Variants in TNFRSF10A observed in about 807,000 individuals in gnomAD.
The protein encoded by TNFRSF10A is tumor necrosis factor receptor superfamily member 10A.
In TNFRSF10A, 44 loss-of-function variants were observed where a neutral mutation model predicts 42.8. The observed-to-expected ratio is 1.03, with a 90% CI of 0.81 to 1.32. TNFRSF10A has a LOEUF of 1.32. Ranked by LOEUF, TNFRSF10A falls within the 40% of genes most tolerant of loss-of-function variation. The pLI is 0.00. For missense variants in TNFRSF10A, 680 were observed against 602.0 expected, an observed-to-expected ratio of 1.13 and a Z score of -1.36; for synonymous variants, 259 against 234.2, an observed-to-expected ratio of 1.11 and a Z score of -0.97.
At chr8:23,200,436 TC>T in intron 6 of TNFRSF10A, 68 bp downstream of exon 6, 2 of 1,571,990 alleles carry the variant, frequency 1.3e-6, no homozygotes, top group Non-Finnish European at 1.8e-6. Context: ...GGTGAGCGTT[TC>T]TGTCTGTGGG....
At chr8:23,205,153 C>T (rs562816435) in intron 2 of TNFRSF10A, among the ~76,000 whole-genome samples, 104 of 151,966 alleles carry the variant, frequency 6.8e-4, no homozygotes, top group Non-Finnish European at 1.3e-3. Context: ...TTAAATAGAT[C>T]GATATATTGG....
At chr8:23,196,493 G>A (rs995044082) in intron 9 of TNFRSF10A, among the ~76,000 whole-genome samples, 7 of 152,118 alleles carry the variant, frequency 4.6e-5, no homozygotes, top group African/African-American at 1.7e-4. Flanking sequence ...ACCGTGCCCG[G>A]CCCACATTGT....
rs560069222 is a variant in TNFRSF10A at position 23,202,593 on chromosome 8, C to T, written c.517+55G>A. On this transcript the variant is annotated intron_variant, in intron 3 of 9. Coordinates refer to ENST00000221132, the MANE Select transcript of TNFRSF10A (RefSeq NM_003844.4). Reference sequence around the variant, plus strand: ...TCCCTGACTCACATTGGCTACCACTCCCACCTCACTGCCCCTCACTCCACC... The same window carrying T: ...TCCCTGACTCACATTGGCTACCACTTCCACCTCACTGCCCCTCACTCCACC... 13 of 1,450,294 alleles carry T rather than the reference C, an allele frequency of 9.0e-6. No individual in the cohort carries two copies. In the South Asian group the frequency reaches 1.3e-4, roughly 14 times the overall value. 89.8% of individuals were successfully genotyped at this position (1,450,294 alleles called of 1,614,324 possible).
chr8:23,206,282 C>A (rs1488347696), intron 2 of TNFRSF10A, among the ~76,000 whole-genome samples: 3 of 152,108 alleles, frequency 2.0e-5, no homozygotes, highest in African/African-American at 7.2e-5. Context: ...CCTAAATGTA[C>A]AGTGTTTATA....
At chr8:23,201,721 G>T in intron 4 of TNFRSF10A, 87 bp downstream of exon 4, 1 of 1,225,958 alleles carries the variant, frequency 8.2e-7, no homozygotes, top group Non-Finnish European at 1.2e-6. Flanking sequence ...TGATAGATAC[G>T]GGTACAAGGA....
chr8:23,224,663 G>A (rs1053361956), intron 1 of TNFRSF10A, 93 bp downstream of exon 1: 4 of 1,440,764 alleles, frequency 2.8e-6, no homozygotes, highest in African/African-American at 2.9e-5. Context: ...CAAGTGACCC[G>A]GGCCAGGCAC....
chr8:23,213,018 A>G (rs895829913), intron 1 of TNFRSF10A, among the ~76,000 whole-genome samples: 1 of 152,126 alleles, frequency 6.6e-6, no homozygotes, highest in African/African-American at 2.4e-5. Flanking sequence ...ATTGAAGCCA[A>G]CTGGTCCTGG....
chr8:23,207,899 C>CG (rs1378285722), intron 2 of TNFRSF10A, among the ~76,000 whole-genome samples: 1 of 106,144 alleles, frequency 9.4e-6, no homozygotes, highest in African/African-American at 3.1e-5. Context: ...ATCAGCAGCA[C>CG]GAAAAAAAAA....
chr8:23,224,076 C>T (rs1211355049), intron 1 of TNFRSF10A, among the ~76,000 whole-genome samples: 1 of 152,062 alleles, frequency 6.6e-6, no homozygotes. Context: ...CCTGTAATCC[C>T]AGCACTTTGG....
rs1800883126 is a variant in TNFRSF10A, at chr8:23,199,902, G to T, written c.815C>A (p.Pro272His). The T allele has an allele frequency of 6.2e-7, 1 of 1,614,014 alleles. No homozygotes were observed. Among genetic ancestry groups the T allele is most frequent in the African/African-American group, 1.3e-5 (1 of 74,918 alleles). ...CCIGSGCGGD[P>H]KCMDRVCFWR... is the part of the protein sequence containing the mutation. ...TCAACTCACCCTGTCCATGCACTTG[G>T]GGTCCCCTCCACAACCTAGAAGAGA... Residue 272 changes from proline to histidine, a missense_variant, in exon 7 of 10, where the codon CCC becomes CAC. Physicochemically the swap from Pro to His is moderately conservative, Grantham distance 77. Coordinates refer to ENST00000221132, the MANE Select transcript of TNFRSF10A (RefSeq NM_003844.4).
intron 1 of TNFRSF10A, among the ~76,000 whole-genome samples, chr8:23,213,342 C>T (rs559755494): frequency 1.3e-5 from 2 of 150,512 alleles, no homozygotes; most frequent in East Asian, 2.0e-4. Context: ...TAAGGGTCAA[C>T]TTTCAGTTTC....
At chr8:23,216,458 T>C (rs1171894200) in intron 1 of TNFRSF10A, among the ~76,000 whole-genome samples, 1 of 151,986 alleles carries the variant, frequency 6.6e-6, no homozygotes, top group Non-Finnish European at 1.5e-5. Flanking sequence ...CAAAAGAAAC[T>C]CCAGGCCAGG....
chr8:23,224,881 G>C lies in TNFRSF10A; in HGVS notation c.181C>G (p.Gln61Glu). 1 of 1,585,184 alleles carries C rather than the reference G, an allele frequency of 6.3e-7. No individual in the cohort carries two copies. Among genetic ancestry groups the C allele is most frequent in the Non-Finnish European group, 8.6e-7 (1 of 1,165,812 alleles). ...GRGALPTSMG[Q>E]HGPSARARAG... The stretch of plus-strand genomic sequence containing the variant: ...CGGGCCCGGGCACTGGGTCCGTGCT[G>C]TCCCATGGAGGTAGGGAGCGCTCCT... The change falls in exon 1 of 10, where the codon CAG becomes GAG. Residue 61 changes from glutamine (Q) to glutamate (E), a missense_variant. Physicochemically the swap from Gln to Glu is conservative, Grantham distance 29 (BLOSUM62 2). Transcript: ENST00000221132.
At chr8:23,202,218 G>T (rs551066792) in intron 3 of TNFRSF10A, among the ~76,000 whole-genome samples, 1 of 152,224 alleles carries the variant, frequency 6.6e-6, no homozygotes, top group South Asian at 2.1e-4. Flanking sequence ...ATGTGAGAGA[G>T]TCTGCAAGAA....
intron 1 of TNFRSF10A, 106 bp from the exon 2 acceptor site, chr8:23,212,318 T>A: frequency 2.1e-6 from 2 of 940,470 alleles, no homozygotes; most frequent in Non-Finnish European, 3.4e-6. Context: ...AGACAGAACT[T>A]GCATCTTTCT....
intron 1 of TNFRSF10A, among the ~76,000 whole-genome samples, chr8:23,223,597 A>G (rs1211736039): frequency 6.6e-6 from 1 of 152,228 alleles, no homozygotes; most frequent in Non-Finnish European, 1.5e-5. Context: ...AGATTTCAAA[A>G]TGCTATTGGA....
chr8:23,209,271 C>T (rs181801200), intron 2 of TNFRSF10A, among the ~76,000 whole-genome samples: 8 of 152,344 alleles, frequency 5.3e-5, no homozygotes, highest in Non-Finnish European at 1.0e-4. Flanking sequence ...GGGGCAGGGC[C>T]CTCATGGAGA....
chr8:23,199,151 C>T, intron 8 of TNFRSF10A, 115 bp downstream of exon 8: 1 of 1,318,992 alleles, frequency 7.6e-7, no homozygotes, highest in Non-Finnish European at 1.0e-6. Context: ...CCACGCAGCC[C>T]CGTCCCCTGC....
At chr8:23,215,801 T>G (rs1470686837) in intron 1 of TNFRSF10A, among the ~76,000 whole-genome samples, 1 of 152,034 alleles carries the variant, frequency 6.6e-6, no homozygotes, top group Non-Finnish European at 1.5e-5. Flanking sequence ...TTTTTTCTTT[T>G]AAAGTTTGGT....
Sources: gnomAD v4.1 joint callset for allele counts (sites outside exome capture counted in the v4.1 genomes callset) on GRCh38, gnomAD v4.1.1 for gene constraint, MANE v1.5 for transcripts, NCBI Gene and HGNC (gene_info 2026-07-23, HGNC 2026-07-21) for gene names.